The following FOXP2 variants were observed in gnomAD, a reference collection of about 807,000 sequenced individuals.
The protein encoded by FOXP2 is forkhead box P2.
In FOXP2, 12 loss-of-function variants were observed where a neutral mutation model predicts 115.8. That is an observed-to-expected ratio of 0.10 (90% confidence interval 0.07 to 0.17). FOXP2 has a LOEUF of 0.17. Ranked by LOEUF, FOXP2 falls within the 10% of genes least tolerant of loss-of-function variation. The pLI, the probability that FOXP2 is intolerant of heterozygous loss-of-function variation, is 1.00. For synonymous variants in FOXP2, 328 were observed against 297.7 expected (o/e 1.10, Z -1.05); for missense variants, 629 against 843.5 (o/e 0.75, Z 3.15).
At chr7:114,517,516 G>A (rs189577149) in intron 2 of FOXP2, among the ~76,000 whole-genome samples, 134 of 152,142 alleles carry the variant, frequency 8.8e-4, no homozygotes, top group Middle Eastern at 6.8e-3. Context: ...GTTCAATTTC[G>A]TTCTGCATAT....
chr7:114,425,988 A>T (rs1448853429), intron 1 of FOXP2, among the ~76,000 whole-genome samples: 1 of 151,758 alleles, frequency 6.6e-6, no homozygotes, highest in Non-Finnish European at 1.5e-5. Context: ...GGTTGGTACC[A>T]TATGATTTGT....
intron 16 of FOXP2, among the ~76,000 whole-genome samples, chr7:114,678,164 CT>C (rs970031419): frequency 1.4e-4 from 22 of 152,104 alleles, no homozygotes; most frequent in Non-Finnish European, 2.9e-4. Flanking sequence ...TCATATTTGA[CT>C]TTTTTTTCCT....
intron 1 of FOXP2, among the ~76,000 whole-genome samples, chr7:114,266,174 A>T (rs1468700890): frequency 6.6e-6 from 1 of 152,030 alleles, no homozygotes; most frequent in Non-Finnish European, 1.5e-5. Flanking sequence ...AAGAAGTTCC[A>T]AATTTCCCCT....
intron 2 of FOXP2, among the ~76,000 whole-genome samples, chr7:114,303,183 T>G (rs1283614301): frequency 1.3e-5 from 2 of 152,164 alleles, no homozygotes; most frequent in African/African-American, 4.8e-5. Context: ...CCCATATCAC[T>G]TATTGTTAAA....
intron 1 of FOXP2, among the ~76,000 whole-genome samples, chr7:114,168,281 G>A (rs1413540213): frequency 6.6e-6 from 1 of 152,188 alleles, no homozygotes; most frequent in Non-Finnish European, 1.5e-5. Context: ...GAAAATGTGG[G>A]AAAGTTCTGA....
chr7:114,190,882 G>A (rs537511796), intron 1 of FOXP2, among the ~76,000 whole-genome samples: 1 of 152,276 alleles, frequency 6.6e-6, no homozygotes, highest in Admixed American at 6.5e-5. Flanking sequence ...GCTTGGATTA[G>A]GGAGGAGGAG....
intron 1 of FOXP2, among the ~76,000 whole-genome samples, chr7:114,204,452 T>C (rs1398666784): frequency 2.0e-5 from 3 of 152,034 alleles, no homozygotes; most frequent in Non-Finnish European, 4.4e-5. Flanking sequence ...GAGAACTGAG[T>C]CAGTAAGGAA....
intron 3 of FOXP2, among the ~76,000 whole-genome samples, chr7:114,541,144 A>G (rs1799642660): frequency 6.6e-6 from 1 of 152,072 alleles, no homozygotes; most frequent in Non-Finnish European, 1.5e-5. Flanking sequence ...GAGTTTGAGG[A>G]GATGGCAAGA....
At chr7:114,576,260 C>CT (rs964860912) in intron 3 of FOXP2, among the ~76,000 whole-genome samples, 2 of 151,832 alleles carry the variant, frequency 1.3e-5, no homozygotes, top group African/African-American at 2.4e-5. Context: ...CTTGATTAAT[C>CT]TTTTTTTCTA....
intron 3 of FOXP2, among the ~76,000 whole-genome samples, chr7:114,587,883 C>CATAAGG (rs1437168231): frequency 1.7e-5 from 1 of 58,904 alleles, no homozygotes; most frequent in Non-Finnish European, 4.4e-5. Context: ...ATAATTAAAT[C>CATAAGG]CACCTTTCTT....
In FOXP2 at chr7:114,613,674, C is replaced by CA. The variant is rs376120800; in HGVS notation, c.259-14852dup. ...TGGGCGACAGAGCAAGATTCCGTCTCAAAAAAAAAAAAAATGTATATATAT... is the reference window on the plus strand; with the variant it reads ...TGGGCGACAGAGCAAGATTCCGTCTCAAAAAAAAAAAAAAATGTATATATAT... On this transcript the variant is annotated intron_variant, in intron 3 of 16. Transcript: ENST00000350908. 232 of 90,988 alleles carry CA rather than the reference C, an allele frequency of 2.5e-3. 1 individual carries two copies. Among genetic ancestry groups the CA allele is most frequent in the Middle Eastern group, 9.4e-3 (1 of 106 alleles). The allele number at this position is 90,988 out of a possible 1,614,324, so 5.6% of individuals were successfully genotyped here.
intron 1 of FOXP2, among the ~76,000 whole-genome samples, chr7:114,283,868 TG>T (rs1208603324): frequency 6.6e-6 from 1 of 151,794 alleles, no homozygotes; most frequent in Non-Finnish European, 1.5e-5. Context: ...GGGGCTGAGG[TG>T]GGAGAATAGC....
At chr7:114,588,559 T>C (rs1047614293) in intron 3 of FOXP2, among the ~76,000 whole-genome samples, 3 of 152,210 alleles carry the variant, frequency 2.0e-5, no homozygotes, top group Non-Finnish European at 4.4e-5. Context: ...CTGCTTTTTG[T>C]GGTCGGAAGG....
intron 2 of FOXP2, among the ~76,000 whole-genome samples, chr7:114,462,293 A>AAC (rs1282355531): frequency 6.7e-6 from 1 of 148,572 alleles, no homozygotes; most frequent in Non-Finnish European, 1.5e-5. Flanking sequence ...AAAAAAAAAA[A>AAC]AAAAAAAAAG....
chr7:114,193,305 A>G (rs2129157907), intron 1 of FOXP2, among the ~76,000 whole-genome samples: 1 of 152,156 alleles, frequency 6.6e-6, no homozygotes, highest in African/African-American at 2.4e-5. Context: ...CGAGTTTCAA[A>G]TTCCAAGAGC....
chr7:114,474,348 C>T (rs1383143804), intron 2 of FOXP2, among the ~76,000 whole-genome samples: 1 of 152,076 alleles, frequency 6.6e-6, no homozygotes, highest in Non-Finnish European at 1.5e-5. Flanking sequence ...GCATATGTAA[C>T]TTATACAAAT....
intron 2 of FOXP2, among the ~76,000 whole-genome samples, chr7:114,315,726 A>G (rs1376025937): frequency 6.6e-6 from 1 of 152,116 alleles, no homozygotes; most frequent in Non-Finnish European, 1.5e-5. Context: ...ACACTGAACC[A>G]TTGCTCCTCA....
chr7:114,632,351 G>A (rs1294001392), intron 6 of FOXP2, among the ~76,000 whole-genome samples: 1 of 152,114 alleles, frequency 6.6e-6, no homozygotes, highest in Non-Finnish European at 1.5e-5. Flanking sequence ...TAATACAATT[G>A]TGTGTCATAT....
intron 1 of FOXP2, among the ~76,000 whole-genome samples, chr7:114,126,511 C>G (rs914411623): frequency 2.0e-5 from 3 of 152,070 alleles, no homozygotes; most frequent in Non-Finnish European, 4.4e-5. Flanking sequence ...GGTTTATCAA[C>G]TAAAGCTATT....
Sources: gnomAD v4.1 joint callset for allele counts (sites outside exome capture counted in the v4.1 genomes callset) on GRCh38, gnomAD v4.1.1 for gene constraint, MANE v1.5 for transcripts, NCBI Gene and HGNC (gene_info 2026-07-23, HGNC 2026-07-21) for gene names.